Variants in FGF14 observed in about 807,000 individuals in gnomAD.
The protein encoded by FGF14 is fibroblast growth factor 14, also known as fibroblast growth factor homologous factor 4.
FGF14 carries 5 observed loss-of-function variants against 25.5 expected under a neutral mutation model. That is an observed-to-expected ratio of 0.20 (90% CI 0.10 to 0.41). FGF14 has a LOEUF of 0.41. Among genes scored for constraint, FGF14 ranks in the 10% least tolerant of loss-of-function variants. FGF14 has a pLI of 1.00. For synonymous variants in FGF14, 138 were observed against 118.3 expected (o/e 1.17, Z -1.08); for missense variants, 222 against 320.1 (o/e 0.69, Z 2.34).
intron 1 of FGF14, among the ~76,000 whole-genome samples, chr13:102,303,128 C>T (rs1202335469): frequency 2.0e-5 from 3 of 152,186 alleles, no homozygotes; most frequent in Admixed American, 6.5e-5. Context: ...GCCAGGAATG[C>T]TCCCACCTCG....
chr13:102,245,530 A>C (rs996377330), intron 1 of FGF14, among the ~76,000 whole-genome samples: 4 of 152,078 alleles, frequency 2.6e-5, no homozygotes, highest in Non-Finnish European at 4.4e-5. Flanking sequence ...GAAATAAGTA[A>C]TGGTAACTTA....
At chr13:102,392,230 A>G (rs1412946029) in intron 1 of FGF14, among the ~76,000 whole-genome samples, 1 of 152,230 alleles carries the variant, frequency 6.6e-6, no homozygotes, top group Non-Finnish European at 1.5e-5. Flanking sequence ...GCAAACTTAC[A>G]TATGTAAATT....
chr13:101,939,877 G>T (rs1032869504), intron 1 of FGF14, among the ~76,000 whole-genome samples: 2 of 152,196 alleles, frequency 1.3e-5, no homozygotes, highest in Non-Finnish European at 2.9e-5. Flanking sequence ...TAGCATGAAT[G>T]AAAGGGTCAA....
chr13:101,849,501 C>A (rs1361064231), intron 3 of FGF14, among the ~76,000 whole-genome samples: 3 of 152,006 alleles, frequency 2.0e-5, no homozygotes, highest in Non-Finnish European at 4.4e-5. Flanking sequence ...CACAGGGGCA[C>A]TGATGTAGAA....
At chr13:102,146,980 A>G (rs1289542818) in intron 1 of FGF14, among the ~76,000 whole-genome samples, 1 of 152,182 alleles carries the variant, frequency 6.6e-6, no homozygotes, top group Non-Finnish European at 1.5e-5. Context: ...CTGGCAGCCT[A>G]TATTATGACA....
chr13:101,824,640 C>T (rs775559947), intron 3 of FGF14, among the ~76,000 whole-genome samples: 7 of 152,122 alleles, frequency 4.6e-5, no homozygotes, highest in Non-Finnish European at 1.0e-4. Flanking sequence ...TTGAAATCTA[C>T]AAAATAATGT....
At chr13:102,316,013 G>C (rs2056004342) in intron 1 of FGF14, among the ~76,000 whole-genome samples, 1 of 152,334 alleles carries the variant, frequency 6.6e-6, no homozygotes, top group East Asian at 1.9e-4. Flanking sequence ...CAGCTACACT[G>C]TGCAGAGAAG....
At chr13:102,209,396 G>C (rs2050071332) in intron 1 of FGF14, among the ~76,000 whole-genome samples, 2 of 152,202 alleles carry the variant, frequency 1.3e-5, no homozygotes, top group Admixed American at 6.5e-5. Context: ...GTCTGAAGCT[G>C]AGTATGTTCT....
intron 1 of FGF14, among the ~76,000 whole-genome samples, chr13:101,962,622 C>A (rs150997882): frequency 2.0e-5 from 3 of 152,194 alleles, no homozygotes; most frequent in East Asian, 3.9e-4. Flanking sequence ...AGTTCATTTT[C>A]ACTGAAATTG....
At chr13:101,801,274 C>A (rs191734050) in intron 3 of FGF14, among the ~76,000 whole-genome samples, 3 of 152,002 alleles carry the variant, frequency 2.0e-5, no homozygotes, top group Admixed American at 1.3e-4. Flanking sequence ...AGCTATGCTG[C>A]GTTTGGAAAA....
In FGF14 at chr13:101,717,501, AT is replaced by A. The variant is rs1312035150; in HGVS notation, c.*5329del. ...AACCTATTATTATTGTTTTGTAGCA[AT>A]TTTGATGACGTATTCGCTGATGCAC... is the stretch of plus-strand genomic sequence containing the variant. On this transcript the variant is annotated 3_prime_UTR_variant, in exon 5 of 5. Transcript: ENST00000376143. 6.6e-6 allele frequency: 1 copy of A among 152,116 alleles called. No homozygotes were observed. The highest frequency in any genetic ancestry group is 1.5e-5 in the Non-Finnish European group (1 of 68,002). 9.4% of individuals were successfully genotyped at this position (152,116 alleles called of 1,614,324 possible).
At chr13:102,135,770 C>G (rs1467253896) in intron 1 of FGF14, among the ~76,000 whole-genome samples, 10 of 152,162 alleles carry the variant, frequency 6.6e-5, no homozygotes, top group Admixed American at 5.9e-4. Context: ...ATTCTCCTAC[C>G]TCAGCCTCCC....
At chr13:102,157,889 A>T (rs1291668596) in intron 1 of FGF14, among the ~76,000 whole-genome samples, 1 of 152,238 alleles carries the variant, frequency 6.6e-6, no homozygotes, top group Non-Finnish European at 1.5e-5. Context: ...TCCAAAGAAG[A>T]CATTTATGCA....
At chr13:102,168,939 G>A (rs2048129076) in intron 1 of FGF14, among the ~76,000 whole-genome samples, 1 of 151,718 alleles carries the variant, frequency 6.6e-6, no homozygotes. Flanking sequence ...TAATATCATG[G>A]AGAAAATAAC....
intron 1 of FGF14, among the ~76,000 whole-genome samples, chr13:101,924,121 C>A (rs1453033400): frequency 1.3e-5 from 2 of 151,896 alleles, no homozygotes; most frequent in African/African-American, 4.8e-5. Context: ...CTACTGAATA[C>A]CTCAACAGAA....
At chr13:101,878,487 T>G (rs755160811) in intron 1 of FGF14, among the ~76,000 whole-genome samples, 11 of 152,194 alleles carry the variant, frequency 7.2e-5, no homozygotes, top group Admixed American at 3.9e-4. Context: ...TAAGTTATAT[T>G]ATCTAGTTTA....
At chr13:102,024,350 G>A (rs960950182) in intron 1 of FGF14, among the ~76,000 whole-genome samples, 3 of 151,932 alleles carry the variant, frequency 2.0e-5, no homozygotes, top group Non-Finnish European at 4.4e-5. Context: ...ATTGTAGTTC[G>A]TATTTGCATT....
intron 3 of FGF14, among the ~76,000 whole-genome samples, chr13:101,805,388 A>G (rs1566923483): frequency 1.3e-5 from 2 of 152,156 alleles, no homozygotes; most frequent in Non-Finnish European, 2.9e-5. Context: ...AAGAAATATA[A>G]AAGCTATAGA....
intron 1 of FGF14, among the ~76,000 whole-genome samples, chr13:102,164,968 G>A (rs1009167167): frequency 6.6e-6 from 1 of 152,174 alleles, no homozygotes; most frequent in South Asian, 2.1e-4. Context: ...GAGAATTAAT[G>A]AGACATGGCT....
Sources: allele counts gnomAD v4.1 joint callset (sites outside exome capture counted in the v4.1 genomes callset), GRCh38; gene constraint gnomAD v4.1.1; transcripts MANE v1.5; gene names NCBI Gene and HGNC (gene_info 2026-07-23, HGNC 2026-07-21).